Variants in AFF2 observed in about 807,000 individuals in gnomAD.
AFF2 encodes AF4/FMR2 family member 2.
In AFF2, 14 loss-of-function variants were observed where a neutral mutation model predicts 76.9. The observed-to-expected ratio is 0.18, with a 90% CI of 0.12 to 0.28. AFF2 has a LOEUF of 0.28. Among genes scored for constraint, AFF2 ranks in the 10% least tolerant of loss-of-function variants. AFF2 has a pLI of 1.00. For missense variants in AFF2, 868 were observed against 1,001.1 expected (o/e 0.87, Z 1.79); for synonymous variants, 398 against 366.7 (o/e 1.09, Z -0.98).
intron 4 of AFF2, among the ~76,000 whole-genome samples, chrX:148,817,070 C>G (rs1230023024): frequency 9.1e-6 from 1 of 110,002 alleles, no homozygotes; most frequent in East Asian, 2.8e-4. Flanking sequence ...TCTGAAAAGA[C>G]AAGAACAAAA....
At chrX:148,954,179 G>A (rs1309791260) in intron 10 of AFF2, among the ~76,000 whole-genome samples, 3 of 112,186 alleles carry the variant, frequency 2.7e-5, no homozygotes, top group Non-Finnish European at 5.6e-5. Flanking sequence ...TTTCCTTAAC[G>A]GTAAAATGAT....
At chrX:148,520,497 C>T (rs781826907) in intron 1 of AFF2, among the ~76,000 whole-genome samples, 1 of 111,551 alleles carries the variant, frequency 9.0e-6, no homozygotes, top group East Asian at 2.8e-4. Flanking sequence ...TTTGTGCTGG[C>T]GTAACTGGGC....
chrX:148,770,290 G>T (rs1345147225), intron 3 of AFF2, among the ~76,000 whole-genome samples: 1 of 111,743 alleles, frequency 8.9e-6, no homozygotes, highest in African/African-American at 3.3e-5. Context: ...AGAAGCAGAA[G>T]ATTATATTTG....
chrX:148,799,992 T>C (rs2070035860), intron 3 of AFF2, among the ~76,000 whole-genome samples: 1 of 112,289 alleles, frequency 8.9e-6, no homozygotes, highest in African/African-American at 3.2e-5. Context: ...CGTTTCATTT[T>C]AGTGAGCAGT....
At chrX:148,877,438 G>C (rs1333688567) in intron 7 of AFF2, among the ~76,000 whole-genome samples, 1 of 112,443 alleles carries the variant, frequency 8.9e-6, no homozygotes, top group Non-Finnish European at 1.9e-5. Flanking sequence ...GAGTGATTTT[G>C]ATGCAGCCAA....
chrX:148,932,993 G>A (rs2071732299), intron 9 of AFF2, among the ~76,000 whole-genome samples: 1 of 112,160 alleles, frequency 8.9e-6, no homozygotes, highest in South Asian at 3.7e-4. Context: ...AAATATATTG[G>A]AAGGTGATAA....
chrX:148,985,364 C>T (rs1393032856), intron 19 of AFF2, among the ~76,000 whole-genome samples: 1 of 82,885 alleles, frequency 1.2e-5, no homozygotes, highest in African/African-American at 4.7e-5. Flanking sequence ...CACAGTTGTG[C>T]GATCATGGCT....
intron 3 of AFF2, among the ~76,000 whole-genome samples, chrX:148,670,292 A>G (rs782030492): frequency 9.0e-6 from 1 of 111,551 alleles, no homozygotes; most frequent in Admixed American, 9.5e-5. Context: ...TCAGTCGGGG[A>G]CACATAGAGG....
chrX:148,658,805 G>A (rs183303002), intron 2 of AFF2, among the ~76,000 whole-genome samples: 8 of 112,235 alleles, frequency 7.1e-5, no homozygotes, highest in Non-Finnish European at 1.1e-4. Flanking sequence ...TCATAGTAAC[G>A]AAGTTAGCCT....
At chrX:148,614,448 G>A (rs1232104529) in intron 1 of AFF2, among the ~76,000 whole-genome samples, 1 of 111,254 alleles carries the variant, frequency 9.0e-6, no homozygotes, top group Non-Finnish European at 1.9e-5. Context: ...GCTTGGCAAG[G>A]TGAACATAGA....
intron 1 of AFF2, among the ~76,000 whole-genome samples, chrX:148,517,336 T>C (rs1557233926): frequency 2.7e-5 from 3 of 111,928 alleles, no homozygotes; most frequent in Non-Finnish European, 5.6e-5. Context: ...TGGAGATTTA[T>C]GTGAATGAGA....
intron 3 of AFF2, among the ~76,000 whole-genome samples, chrX:148,806,575 G>A (rs2070136750): frequency 8.9e-6 from 1 of 111,950 alleles, no homozygotes; most frequent in African/African-American, 3.3e-5. Flanking sequence ...AAATGATGCT[G>A]CCTCCAGTGT....
At chrX:148,729,279 T>C (rs782138814) in intron 3 of AFF2, among the ~76,000 whole-genome samples, 12 of 111,693 alleles carry the variant, frequency 1.1e-4, no homozygotes, top group African/African-American at 3.9e-4. Context: ...AGCGTGATAA[T>C]AGAGGTCCCA....
rs2052816096 is a variant in AFF2, at chrX:148,538,665, A to G, written c.47+37521A>G. ...ATCACAAATAGCTACTGTTTCTTAA[A>G]TCCTTACTATGTGCAAGGTCTTGTG... On this transcript the variant is annotated intron_variant, in intron 1 of 20. Coordinates refer to ENST00000370460, the MANE Select transcript of AFF2 (RefSeq NM_002025.4). Among the ~76,000 whole-genome samples, 3 of 112,447 alleles carry G rather than the reference A, an allele frequency of 2.7e-5. No individual in the cohort carries two copies. The Admixed American group carries it at 2.8e-4, about 11-fold the overall frequency.
intron 1 of AFF2, among the ~76,000 whole-genome samples, chrX:148,605,168 A>T (rs1475854088): frequency 8.9e-6 from 1 of 111,746 alleles, no homozygotes; most frequent in African/African-American, 3.3e-5. Context: ...TTCACAAAAA[A>T]CACCAGGCCC....
chrX:148,890,771 C>T (rs782786195), intron 8 of AFF2, among the ~76,000 whole-genome samples: 284 of 111,989 alleles, frequency 2.5e-3, no homozygotes, highest in African/African-American at 9.0e-3. Context: ...CTCATGCTGT[C>T]CCCTAGAGAA....
At chrX:148,585,129 G>A (rs2053454308) in intron 1 of AFF2, among the ~76,000 whole-genome samples, 1 of 111,719 alleles carries the variant, frequency 9.0e-6, no homozygotes, top group Non-Finnish European at 1.9e-5. Flanking sequence ...GATTGATCGG[G>A]GAATGTCTGA....
intron 3 of AFF2, among the ~76,000 whole-genome samples, chrX:148,678,373 G>A (rs2054507963): frequency 8.9e-6 from 1 of 112,518 alleles, no homozygotes; most frequent in African/African-American, 3.2e-5. Context: ...AATTGAAAGA[G>A]CAGTACTCTG....
At chrX:148,677,564 G>A (rs1227708314) in intron 3 of AFF2, among the ~76,000 whole-genome samples, 1 of 112,331 alleles carries the variant, frequency 8.9e-6, no homozygotes. Context: ...TAGTAATGCA[G>A]TATATTAAAT....
Sources: allele counts gnomAD v4.1 joint callset (sites outside exome capture counted in the v4.1 genomes callset), GRCh38; gene constraint gnomAD v4.1.1; transcripts MANE v1.5; gene names NCBI Gene and HGNC (gene_info 2026-07-23, HGNC 2026-07-21).